The following ABI3BP variants were observed in gnomAD, a reference collection of about 807,000 sequenced individuals.
The protein encoded by ABI3BP is ABI family member 3 binding protein, also known as target of Nesh-SH3.
Under a neutral mutation model 268.6 loss-of-function variants are expected in ABI3BP, and 216 were observed. The observed-to-expected ratio is 0.80, with a 90% CI of 0.72 to 0.90. The LOEUF is 0.90. Ranked by LOEUF, ABI3BP falls within the 40% of genes least tolerant of loss-of-function variation. ABI3BP has a pLI of 0.00. For missense variants in ABI3BP, 2,090 were observed against 2,182.4 expected (o/e 0.96, Z 0.84); for synonymous variants, 730 against 730.0 (o/e 1.00, Z 0.00).
At chr3:100,944,936 T>A (rs913668671) in intron 1 of ABI3BP, among the ~76,000 whole-genome samples, 2 of 152,180 alleles carry the variant, frequency 1.3e-5, no homozygotes, top group African/African-American at 4.8e-5. Flanking sequence ...GCATCTCATA[T>A]TATTAATAAC....
intron 4 of ABI3BP, among the ~76,000 whole-genome samples, chr3:100,892,217 G>A (rs1027787311): frequency 5.3e-5 from 8 of 152,194 alleles, no homozygotes; most frequent in Admixed American, 3.3e-4. Context: ...AATTACCAGC[G>A]TGGAAGAATA....
At chr3:100,797,077 C>T (rs971129903) in intron 51 of ABI3BP, among the ~76,000 whole-genome samples, 11 of 151,918 alleles carry the variant, frequency 7.2e-5, no homozygotes, top group Admixed American at 5.9e-4. Flanking sequence ...ATAGCTGTTG[C>T]CATTTTTGTC....
At chr3:100,783,318 G>C (rs1004286333) in intron 57 of ABI3BP, among the ~76,000 whole-genome samples, 3 of 152,172 alleles carry the variant, frequency 2.0e-5, no homozygotes, top group Admixed American at 6.5e-5. Flanking sequence ...ACACTCATGT[G>C]GGGGCAGTAA....
intron 2 of ABI3BP, among the ~76,000 whole-genome samples, chr3:100,919,730 T>C (rs1010100814): frequency 6.6e-6 from 1 of 152,224 alleles, no homozygotes; most frequent in African/African-American, 2.4e-5. Context: ...ATCTGTTTAG[T>C]AGGACAGGTC....
At chr3:100,900,752 T>A (rs2049924163) in intron 3 of ABI3BP, among the ~76,000 whole-genome samples, 1 of 152,130 alleles carries the variant, frequency 6.6e-6, no homozygotes, top group Admixed American at 6.5e-5. Flanking sequence ...TAAATGCAGA[T>A]AACAAAAACA....
At chr3:100,881,764 T>C (rs1356363977) in intron 6 of ABI3BP, among the ~76,000 whole-genome samples, 1 of 152,124 alleles carries the variant, frequency 6.6e-6, no homozygotes, top group Non-Finnish European at 1.5e-5. Flanking sequence ...ATAGAAAGAA[T>C]CACAGTTTTG....
intron 2 of ABI3BP, among the ~76,000 whole-genome samples, chr3:100,916,564 A>T (rs1041481837): frequency 6.6e-6 from 1 of 152,220 alleles, no homozygotes; most frequent in Admixed American, 6.5e-5. Flanking sequence ...GAATGCTAAT[A>T]GTACCTGCTT....
chr3:100,939,174 G>A (rs763692523), intron 1 of ABI3BP, among the ~76,000 whole-genome samples: 3 of 151,970 alleles, frequency 2.0e-5, no homozygotes, highest in Non-Finnish European at 4.4e-5. Context: ...GTTTTACTAG[G>A]TCCCAGTAGG....
intron 6 of ABI3BP, among the ~76,000 whole-genome samples, chr3:100,879,530 T>G (rs1368792999): frequency 2.6e-5 from 4 of 152,190 alleles, no homozygotes; most frequent in African/African-American, 9.7e-5. Context: ...TTAATTTTCC[T>G]TGTTGTAATG....
intron 1 of ABI3BP, among the ~76,000 whole-genome samples, chr3:100,974,704 T>C (rs1023118473): frequency 2.6e-5 from 4 of 152,164 alleles, no homozygotes; most frequent in Admixed American, 2.0e-4. Context: ...ACATAGCAAT[T>C]AGATAGACAA....
rs1380302556 is a variant in ABI3BP, at chr3:100,838,276, G to C, written c.2017C>G (p.Pro673Ala). Residue 673 changes from proline to alanine, a missense_variant, in exon 26 of 68, where the codon CCA (proline) becomes GCA (alanine). By Grantham distance (27) the Pro-to-Ala change is conservative. Transcript: ENST00000471714. ...GGTTTAGGAAGTAATTGTTTTGGTG[G>C]TTTTGAACCTGAAGAAAATTAGAGT... ...DAPQIQPGSK[P>A]PKQLLPKPQT... 6.5e-7 allele frequency: 1 copy of C among 1,536,452 alleles called. No individual in the cohort carries two copies. The highest frequency in any genetic ancestry group is 1.4e-5 in the African/African-American group (1 of 73,146).
intron 16 of ABI3BP, 75 bp downstream of exon 16, chr3:100,850,583 CAT>C: frequency 9.5e-7 from 1 of 1,049,270 alleles, no homozygotes; most frequent in Non-Finnish European, 1.5e-6. Context: ...ATGAAATGGT[CAT>C]TTGGAAGAAA....
At chr3:100,768,083 GTTT>G (rs11371725) in intron 62 of ABI3BP, among the ~76,000 whole-genome samples, 17 of 108,720 alleles carry the variant, frequency 1.6e-4, no homozygotes, top group African/African-American at 2.1e-4. Flanking sequence ...TTTGGCTCAA[GTTT>G]TTTTTTTTTT....
chr3:100,829,695 C>A, intron 32 of ABI3BP, 31 bp from the exon 33 acceptor site: 1 of 1,487,790 alleles, frequency 6.7e-7, no homozygotes, highest in Non-Finnish European at 9.1e-7. Context: ...GTTAATACAG[C>A]GTGTTTGGTT....
chr3:100,766,117 C>T (rs1284220346), intron 62 of ABI3BP, among the ~76,000 whole-genome samples, 168 bp from the exon 63 acceptor site: 2 of 152,212 alleles, frequency 1.3e-5, no homozygotes, highest in Non-Finnish European at 2.9e-5. Flanking sequence ...TGGGGATGGT[C>T]AGCAGATGAA....
At chr3:100,827,473 G>C (rs967000691) in intron 34 of ABI3BP, among the ~76,000 whole-genome samples, 3 of 152,098 alleles carry the variant, frequency 2.0e-5, no homozygotes, top group African/African-American at 7.2e-5. Context: ...GTGGTATTAA[G>C]TTTGTGCTGT....
chr3:100,807,302 T>G (rs2097739003), intron 50 of ABI3BP, among the ~76,000 whole-genome samples: 1 of 151,972 alleles, frequency 6.6e-6, no homozygotes, highest in African/African-American at 2.4e-5. Flanking sequence ...CACTAATCAT[T>G]ATTTTCTCAG....
chr3:100,793,187 C>T (rs1035321068), intron 54 of ABI3BP, among the ~76,000 whole-genome samples: 6 of 151,896 alleles, frequency 4.0e-5, no homozygotes, highest in Non-Finnish European at 5.9e-5. Context: ...TGTATATTTA[C>T]ATCACATAAA....
At position 100,862,496 on chromosome 3, in the gene ABI3BP, T is replaced by C. The variant is rs913355437; in HGVS notation, c.1211-111A>G. 4 of 679,494 alleles carry C rather than the reference T, an allele frequency of 5.9e-6. No homozygotes were observed. In the Admixed American group the frequency reaches 1.2e-4, roughly 21 times the overall value. The allele number at this position is 679,494 out of a possible 1,614,324, so 42.1% of individuals were successfully genotyped here. On this transcript the variant is annotated intron_variant, in intron 13 of 67. Transcript: ENST00000471714. Reference sequence around the variant, plus strand: ...AAGTGGCTACCAGAAGCCTGCAGTATACCAATACAATAAAAAGTCATTATA... The same window carrying C: ...AAGTGGCTACCAGAAGCCTGCAGTACACCAATACAATAAAAAGTCATTATA...
Sources: allele counts gnomAD v4.1 joint callset (sites outside exome capture counted in the v4.1 genomes callset), GRCh38; gene constraint gnomAD v4.1.1; transcripts MANE v1.5; gene names NCBI Gene and HGNC (gene_info 2026-07-23, HGNC 2026-07-21).